KRT75: variants seen among roughly 807,000 people sequenced by gnomAD.
The protein encoded by KRT75 is keratin, type II cytoskeletal 75.
Under a neutral mutation model 48.8 loss-of-function variants are expected in KRT75, and 35 were observed. That is an observed-to-expected ratio of 0.72 (90% CI 0.55 to 0.95). KRT75 has a LOEUF of 0.95. Among genes scored for constraint, KRT75 ranks in the 40% least tolerant of loss-of-function variants. The pLI is 0.00. For synonymous variants in KRT75, 301 were observed against 282.3 expected (o/e 1.07, Z -0.66); for missense variants, 776 against 709.9 (o/e 1.09, Z -1.06).
Position 52,430,571 on chromosome 12 carries a change from C to T in KRT75, c.1005G>A (p.Arg335=), listed in dbSNP as rs763434871. The T allele has an allele frequency of 3.7e-6, 6 of 1,614,124 alleles. No homozygotes were observed. The East Asian group carries it at 8.9e-5, about 24-fold the overall frequency. The change falls in exon 5 of 9, where the codon CGG becomes CGA. Residue 335 remains arginine, a synonymous_variant. Coordinates refer to ENST00000252245, the MANE Select transcript of KRT75 (RefSeq NM_004693.3). ...AQYEDIANRS[R]AEAESWYQTK... ...TCTGGTACCAGGACTCAGCCTCGGCCCGGCTGCGGTTGGCAATGTCCTCGT... is the reference window on the plus strand; with the variant it reads ...TCTGGTACCAGGACTCAGCCTCGGCTCGGCTGCGGTTGGCAATGTCCTCGT...
intron 7 of KRT75, chr12:52,428,043 T>C (rs1208600323): frequency 1.4e-5 from 9 of 640,072 alleles, no homozygotes; most frequent in East Asian, 2.8e-5. Context: ...GATCAGGTTT[T>C]AGGTTTCTAT....
intron 7 of KRT75, among the ~76,000 whole-genome samples, chr12:52,427,289 G>T (rs944796356): frequency 1.3e-5 from 2 of 152,164 alleles, no homozygotes; most frequent in African/African-American, 4.8e-5. Context: ...AATAACAATA[G>T]TAATATCAGT....
At chr12:52,427,414 C>T (rs539311275) in intron 7 of KRT75, among the ~76,000 whole-genome samples, 61 of 152,206 alleles carry the variant, frequency 4.0e-4, no homozygotes, top group Non-Finnish European at 7.3e-4. Context: ...TGTTGATTAC[C>T]TGTTACTTAT....
intron 5 of KRT75, among the ~76,000 whole-genome samples, 193 bp from the exon 6 acceptor site, chr12:52,428,936 C>T (rs976196692): frequency 2.0e-5 from 3 of 152,170 alleles, no homozygotes; most frequent in African/African-American, 7.2e-5. Context: ...ATGTATAGTT[C>T]CACACTAAGA....
chr12:52,425,599 C>G (rs1333404030), intron 8 of KRT75, among the ~76,000 whole-genome samples: 1 of 152,206 alleles, frequency 6.6e-6, no homozygotes, highest in African/African-American at 2.4e-5. Context: ...TGGAGGGATG[C>G]AGCCACAAGC....
In KRT75 at chr12:52,428,465, C is replaced by T. The variant is rs750929816; in HGVS notation, c.1173G>A (p.Leu391=). Reference sequence around the variant, plus strand: ...GCTCTGCATCAGCAATGGCCGTTTGCAAGCTGGAACACTGTAAGGACAGGA... The same window carrying T: ...GCTCTGCATCAGCAATGGCCGTTTGTAAGCTGGAACACTGTAAGGACAGGA... ...IDSVKKQCSS[L]QTAIADAEQR... The change falls in exon 7 of 9, where the codon TTG becomes TTA. Residue 391 remains leucine (L), a synonymous_variant. Transcript: ENST00000252245. 1 of 1,613,438 alleles carries T rather than the reference C, an allele frequency of 6.2e-7. No homozygotes were observed. The highest frequency in any genetic ancestry group is 8.5e-7 in the Non-Finnish European group (1 of 1,179,712).
Position 52,434,167 on chromosome 12 carries a change from G to GC in KRT75, c.137dup (p.Leu47ProfsTer113). On this transcript the variant is annotated frameshift_variant, in exon 1 of 9. Coordinates refer to ENST00000252245, the MANE Select transcript of KRT75 (RefSeq NM_004693.3). LOFTEE classifies it high-confidence loss of function. ...CCCCAGCACTGCTGATCCTTCCCAG[G>GC]CCCCCACTCCCTGCTGCAGAGCGGG... 1.2e-6 allele frequency: 2 copies of GC among 1,613,166 alleles called. No homozygotes were observed. Among genetic ancestry groups the GC allele is most frequent in the Non-Finnish European group, 1.7e-6 (2 of 1,179,402 alleles).
intron 2 of KRT75, 112 bp downstream of exon 2, chr12:52,432,926 A>G: frequency 9.5e-7 from 1 of 1,047,646 alleles, no homozygotes; most frequent in Non-Finnish European, 1.5e-6. Flanking sequence ...TAAAGGCTGC[A>G]GTTCCAAAGC....
In KRT75 at chr12:52,434,098, C is replaced by T. The variant is rs1436869987; in HGVS notation, c.207G>A (p.Lys69=). 4 of 1,614,068 alleles carry T rather than the reference C, an allele frequency of 2.5e-6. No individual in the cohort carries two copies. Among genetic ancestry groups the T allele is most frequent in the African/African-American group, 2.7e-5 (2 of 74,930 alleles). ...SRSLYNLGGA[K]RVSINGCGSS... Reference sequence around the variant, plus strand: ...TGCCACACCCATTGATGGAGACCCGCTTGGCACCCCCCAGGTTGTAGAGGC... The same window carrying T: ...TGCCACACCCATTGATGGAGACCCGTTTGGCACCCCCCAGGTTGTAGAGGC... Residue 69 remains lysine, a synonymous_variant, in exon 1 of 9, where the codon AAG becomes AAA. Transcript: ENST00000252245.
At position 52,432,798 on chromosome 12, in the gene KRT75, G is replaced by A. The variant is rs577416608; in HGVS notation, c.713+240C>T. Among the ~76,000 whole-genome samples the A allele has an allele frequency of 2.4e-4, 37 of 152,250 alleles. 1 individual carries two copies. The highest frequency in any genetic ancestry group is 6.2e-4 in the South Asian group (3 of 4,810). Reference sequence around the variant, plus strand: ...CTAGAGTGAGTAGCAATATTTTGTCGGATGATGTTGATATCCCTTTGCAGT... The same window carrying A: ...CTAGAGTGAGTAGCAATATTTTGTCAGATGATGTTGATATCCCTTTGCAGT... On this transcript the variant is annotated intron_variant, in intron 2 of 8. Coordinates refer to ENST00000252245, the MANE Select transcript of KRT75 (RefSeq NM_004693.3).
intron 7 of KRT75, among the ~76,000 whole-genome samples, chr12:52,427,622 C>T (rs931677625): frequency 3.9e-5 from 6 of 152,236 alleles, no homozygotes; most frequent in South Asian, 4.1e-4. Flanking sequence ...TTATCGAACA[C>T]GCTGTGTACC....
chr12:52,430,763 G>C, intron 4 of KRT75, 58 bp from the exon 5 acceptor site: 2 of 1,592,196 alleles, frequency 1.3e-6, no homozygotes, highest in African/African-American at 1.3e-5. Flanking sequence ...TTAAATCTTC[G>C]TGGTTAACTA....
At position 52,428,249 on chromosome 12, in the gene KRT75, G is replaced by C; in HGVS notation, c.1382+7C>G. The C allele has an allele frequency of 6.2e-7, 1 of 1,613,644 alleles. No individual in the cohort carries two copies. On this transcript the variant is annotated splice_region_variant and intron_variant, in intron 7 of 8. Transcript: ENST00000252245. ...CTTTGAGGATGAAGTTGGTGCATCT[G>C]CCTCACCTGCACTCCTCGCCTTCCA...
intron 1 of KRT75, among the ~76,000 whole-genome samples, 166 bp from the exon 2 acceptor site, chr12:52,433,418 G>A (rs985921650): frequency 2.0e-5 from 3 of 147,332 alleles, no homozygotes; most frequent in East Asian, 1.9e-4. Context: ...TGGAGCTACC[G>A]CAAAGTTCCC....
Position 52,429,727 on chromosome 12 carries a change from C to A in KRT75, c.1035+814G>T, listed in dbSNP as rs557467310. On this transcript the variant is annotated intron_variant, in intron 5 of 8. Transcript: ENST00000252245. ...GTGGAACCCTGGTCCCTGCTACCCACCTTCCTTTCCACCACACTCCTGACC... is the reference window on the plus strand; with the variant it reads ...GTGGAACCCTGGTCCCTGCTACCCAACTTCCTTTCCACCACACTCCTGACC... 2.3e-3 allele frequency among the ~76,000 whole-genome samples: 346 copies of A among 152,300 alleles called. 1 individual carries two copies. The highest frequency in any genetic ancestry group is 7.9e-3 in the African/African-American group (329 of 41,564).
At chr12:52,427,922 A>G (rs1261137408) in intron 7 of KRT75, among the ~76,000 whole-genome samples, 1 of 152,108 alleles carries the variant, frequency 6.6e-6, no homozygotes, top group Non-Finnish European at 1.5e-5. Context: ...TTAGATCTGT[A>G]AGCCCAAATC....
rs1269521654 is a variant in KRT75, at chr12:52,430,716, G to A, written c.871-11C>T. ...CAACTGGGACAGCTCCTGCAGGGCA[G>A]TAAACTCAGCATCACCAAGGCATAA... On this transcript the variant is annotated splice_polypyrimidine_tract_variant and intron_variant, in intron 4 of 8. Coordinates refer to ENST00000252245, the MANE Select transcript of KRT75 (RefSeq NM_004693.3). 7 of 1,614,042 alleles carry A rather than the reference G, an allele frequency of 4.3e-6. No homozygotes were observed. Among genetic ancestry groups the A allele is most frequent in the East Asian group, 2.2e-5 (1 of 44,862 alleles).
At chr12:52,426,874 A>C (rs1426494725) in intron 7 of KRT75, 23 bp from the exon 8 acceptor site, 1 of 1,613,506 alleles carries the variant, frequency 6.2e-7, no homozygotes, top group African/African-American at 1.3e-5. Flanking sequence ...AGCAGGGAGA[A>C]GGAAGGTTAC....
At position 52,426,697 on chromosome 12, in the gene KRT75, G is replaced by T. The variant is rs1940079630; in HGVS notation, c.1417+120C>A. 5 of 1,035,032 alleles carry T rather than the reference G, an allele frequency of 4.8e-6. No individual in the cohort carries two copies. In the African/African-American group the frequency reaches 6.3e-5, roughly 13 times the overall value. 64.1% of individuals were successfully genotyped at this position (1,035,032 alleles called of 1,614,324 possible). ...CCAAAACCTCAAACCTTCTCCAAAT[G>T]AACGCTGTCTGTGAGATCCCGTCTA... On this transcript the variant is annotated intron_variant, in intron 8 of 8. Transcript: ENST00000252245.
Sources: allele counts gnomAD v4.1 joint callset (sites outside exome capture counted in the v4.1 genomes callset), GRCh38; gene constraint gnomAD v4.1.1; transcripts MANE v1.5; gene names NCBI Gene and HGNC (gene_info 2026-07-23, HGNC 2026-07-21).